CDH4: variants seen among roughly 807,000 people sequenced by gnomAD.
CDH4 encodes cadherin-4.
Under a neutral mutation model 86.0 loss-of-function variants are expected in CDH4, and 33 were observed. The ratio of observed to expected loss-of-function variants is 0.38; its 90% CI spans 0.29 to 0.51. The LOEUF (loss-of-function observed/expected upper bound fraction) is 0.51, where lower values mean the gene tolerates loss of function less well. Among genes scored for constraint, CDH4 ranks in the 20% least tolerant of loss-of-function variants. The pLI, the probability that CDH4 is intolerant of heterozygous loss-of-function variation, is 0.86. For missense variants in CDH4, 1,114 were observed against 1,307.4 expected (o/e 0.85, Z 2.28); for synonymous variants, 555 against 549.4 (o/e 1.01, Z -0.14).
chr20:61,381,064 G>A (rs1401292653), intron 2 of CDH4, among the ~76,000 whole-genome samples: 2 of 152,214 alleles, frequency 1.3e-5, no homozygotes, highest in South Asian at 4.1e-4. Flanking sequence ...TGCAAGGGAA[G>A]GTTATCTGGT....
In CDH4 at chr20:61,357,792, C is replaced by G. The variant is rs555589022; in HGVS notation, c.169+102855C>G. 1.9e-3 allele frequency among the ~76,000 whole-genome samples: 289 copies of G among 152,334 alleles called. 1 individual carries two copies. Among genetic ancestry groups the G allele is most frequent in the African/African-American group, 6.5e-3 (272 of 41,586 alleles). On this transcript the variant is annotated intron_variant, in intron 2 of 15. Coordinates refer to ENST00000614565, the MANE Select transcript of CDH4 (RefSeq NM_001794.5). Reference sequence around the variant, plus strand: ...AAAACACAGTGCCGGCCTCACAAAGCAGACCCGTGTGCCAGCCAGGACCAC... The same window carrying G: ...AAAACACAGTGCCGGCCTCACAAAGGAGACCCGTGTGCCAGCCAGGACCAC...
chr20:61,553,471 C>G (rs1234832055), intron 2 of CDH4, among the ~76,000 whole-genome samples: 1 of 152,200 alleles, frequency 6.6e-6, no homozygotes, highest in East Asian at 1.9e-4. Flanking sequence ...TAAAAACCAG[C>G]CTTTGAGGTG....
chr20:61,645,477 A>T (rs914627739), intron 2 of CDH4, among the ~76,000 whole-genome samples: 6 of 142,362 alleles, frequency 4.2e-5, no homozygotes, highest in African/African-American at 1.5e-4. Flanking sequence ...AATTTTTTTT[A>T]AAAGTTAACC....
At chr20:61,761,706 G>T (rs946165172) in intron 3 of CDH4, among the ~76,000 whole-genome samples, 1 of 152,182 alleles carries the variant, frequency 6.6e-6, no homozygotes, top group African/African-American at 2.4e-5. Flanking sequence ...ACAGAGGGGT[G>T]AGCGCGGATT....
chr20:61,523,307 G>C (rs1272461321), intron 2 of CDH4, among the ~76,000 whole-genome samples: 1 of 152,228 alleles, frequency 6.6e-6, no homozygotes, highest in East Asian at 1.9e-4. Context: ...CTGCCAGCGG[G>C]CCCACGCTGG....
intron 4 of CDH4, among the ~76,000 whole-genome samples, chr20:61,782,377 C>T (rs1978592785): frequency 6.6e-6 from 1 of 152,090 alleles, no homozygotes; most frequent in Admixed American, 6.6e-5. Flanking sequence ...GAATTCATCA[C>T]CATTAGATCC....
chr20:61,777,670 A>G (rs1354163887), intron 4 of CDH4, among the ~76,000 whole-genome samples: 1 of 150,184 alleles, frequency 6.7e-6, no homozygotes, highest in Non-Finnish European at 1.5e-5. Context: ...ATACAAAGAC[A>G]CACACCCATA....
At position 61,794,566 on chromosome 20, in the gene CDH4, C is replaced by A. The variant is rs1158725174; in HGVS notation, c.576+21384C>A. On this transcript the variant is annotated intron_variant, in intron 4 of 15. Coordinates refer to ENST00000614565, the MANE Select transcript of CDH4 (RefSeq NM_001794.5). ...GGCCACTGGCAAAGAGTCACAGGTG[C>A]TGGTTGGAAGTTGGCAAATGTGCCC... Among the ~76,000 whole-genome samples the A allele has an allele frequency of 3.3e-5, 5 of 152,232 alleles. No individual in the cohort carries two copies. The South Asian group carries it at 6.2e-4, about 19-fold the overall frequency.
chr20:61,534,882 T>C (rs1428201096), intron 2 of CDH4, among the ~76,000 whole-genome samples: 3 of 147,158 alleles, frequency 2.0e-5, no homozygotes, highest in African/African-American at 7.6e-5. Context: ...CTGCTCATCC[T>C]CAACCCGATG....
Position 61,269,071 on chromosome 20 carries a change from C to T in CDH4, c.169+14134C>T, listed in dbSNP as rs967683404. Reference sequence around the variant, plus strand: ...CCCTGTGGTGGTCCTGGGGCTCGGCCCCACTTGAGGGGTTAACAGCACCAC... The same window carrying T: ...CCCTGTGGTGGTCCTGGGGCTCGGCTCCACTTGAGGGGTTAACAGCACCAC... On this transcript the variant is annotated intron_variant, in intron 2 of 15. Transcript: ENST00000614565. This position sits in a 1 kb window ranked among gnomAD's most constrained non-coding sequence, Gnocchi z 5.3. 4.6e-5 allele frequency among the ~76,000 whole-genome samples: 7 copies of T among 152,148 alleles called. No individual in the cohort carries two copies. Among genetic ancestry groups the T allele is most frequent in the African/African-American group, 1.4e-4 (6 of 41,430 alleles).
At chr20:61,860,379 T>C (rs1600718355) in intron 6 of CDH4, among the ~76,000 whole-genome samples, 1 of 152,250 alleles carries the variant, frequency 6.6e-6, no homozygotes, top group Non-Finnish European at 1.5e-5. Flanking sequence ...ACCTCGGATA[T>C]GCATATTTGT....
intron 2 of CDH4, among the ~76,000 whole-genome samples, chr20:61,566,607 G>T (rs888052240): frequency 1.3e-5 from 2 of 152,138 alleles, no homozygotes; most frequent in Non-Finnish European, 1.5e-5. Flanking sequence ...TGCAGGACGG[G>T]ACAAGGTGGC....
chr20:61,361,199 A>G (rs1355431567), intron 2 of CDH4, among the ~76,000 whole-genome samples: 2 of 152,112 alleles, frequency 1.3e-5, no homozygotes, highest in South Asian at 2.1e-4. Context: ...TTCTGGCAAC[A>G]TGGAGCTCAG....
intron 2 of CDH4, among the ~76,000 whole-genome samples, chr20:61,724,363 C>T (rs553177700): frequency 1.8e-4 from 28 of 152,306 alleles, no homozygotes; most frequent in South Asian, 1.7e-3. Context: ...TTCAGAACCC[C>T]GTGTCCCGCC....
chr20:61,911,375 T>G (rs2054848681), intron 9 of CDH4, among the ~76,000 whole-genome samples: 1 of 152,254 alleles, frequency 6.6e-6, no homozygotes, highest in Admixed American at 6.5e-5. Flanking sequence ...CTAACTCTTT[T>G]TCTACACTCA....
Position 61,936,809 on chromosome 20 carries a change from A to G in CDH4, c.2617A>G (p.Ser873Gly). 6.2e-7 allele frequency: 1 copy of G among 1,610,590 alleles called. No individual in the cohort carries two copies. The highest frequency in any genetic ancestry group is 8.5e-7 in the Non-Finnish European group (1 of 1,179,134). Reference sequence around the variant, plus strand: ...CCTGCTGGTCTTCGACTACGAGGGGAGCGGCTCCACCGCAGGCTCCGTCAG... The same window carrying G: ...CCTGCTGGTCTTCGACTACGAGGGGGGCGGCTCCACCGCAGGCTCCGTCAG... ...DSLLVFDYEG[S>G]GSTAGSVSSL... Residue 873 changes from serine to glycine, a missense_variant, in exon 16 of 16, where the codon AGC becomes GGC. By Grantham distance (56) the Ser-to-Gly change is moderately conservative (BLOSUM62 0). Coordinates refer to ENST00000614565, the MANE Select transcript of CDH4 (RefSeq NM_001794.5).
intron 2 of CDH4, among the ~76,000 whole-genome samples, chr20:61,496,080 A>G (rs896159375): frequency 2.6e-5 from 4 of 151,944 alleles, no homozygotes; most frequent in Non-Finnish European, 5.9e-5. Context: ...GAATTGAACA[A>G]CGGACATCTA....
At chr20:61,747,882 A>G (rs2088436892) in intron 3 of CDH4, among the ~76,000 whole-genome samples, 1 of 152,190 alleles carries the variant, frequency 6.6e-6, no homozygotes, top group Non-Finnish European at 1.5e-5. Context: ...TCCAAAACTG[A>G]TAACATTCAT....
intron 2 of CDH4, among the ~76,000 whole-genome samples, chr20:61,629,012 G>A (rs1305560039): frequency 6.6e-6 from 1 of 152,262 alleles, no homozygotes; most frequent in African/African-American, 2.4e-5. Context: ...TCTCAGCCAA[G>A]GCATCTCGCA....
Sources: gnomAD v4.1 joint callset for allele counts (sites outside exome capture counted in the v4.1 genomes callset) on GRCh38, gnomAD v4.1.1 for gene constraint, Gnocchi (gnomAD v3.1) non-coding constraint, MANE v1.5 for transcripts, NCBI Gene and HGNC (gene_info 2026-07-23, HGNC 2026-07-21) for gene names.